The following MACROD2 variants were observed in gnomAD, a reference collection of about 807,000 sequenced individuals.
The protein encoded by MACROD2 is ADP-ribose glycohydrolase MACROD2.
MACROD2 carries 36 observed loss-of-function variants against 70.4 expected under a neutral mutation model. That is an observed-to-expected ratio of 0.51 (90% confidence interval 0.39 to 0.68). MACROD2 has a LOEUF of 0.68. Ranked by LOEUF, MACROD2 falls within the 30% of genes least tolerant of loss-of-function variation. The pLI, the probability that MACROD2 is intolerant of heterozygous loss-of-function variation, is 0.00. For missense variants in MACROD2, 496 were observed against 538.4 expected (o/e 0.92, Z 0.78); for synonymous variants, 172 against 178.8 (o/e 0.96, Z 0.30).
chr20:15,331,187 AT>A (rs1428998894), intron 6 of MACROD2, among the ~76,000 whole-genome samples: 1 of 151,732 alleles, frequency 6.6e-6, no homozygotes, highest in Non-Finnish European at 1.5e-5. Context: ...GTGTATTTTC[AT>A]TATTTTACAG....
intron 3 of MACROD2, among the ~76,000 whole-genome samples, chr20:14,181,680 T>G (rs1332940008): frequency 6.6e-6 from 1 of 152,084 alleles, no homozygotes; most frequent in African/African-American, 2.4e-5. Context: ...TAATTTACTT[T>G]TCATCTCTAT....
At chr20:14,982,556 C>T (rs1315754364) in intron 5 of MACROD2, among the ~76,000 whole-genome samples, 1 of 152,188 alleles carries the variant, frequency 6.6e-6, no homozygotes, top group Non-Finnish European at 1.5e-5. Context: ...TGCCCTACAT[C>T]CCAGCCACTC....
At chr20:15,379,598 C>T (rs998329313) in intron 6 of MACROD2, among the ~76,000 whole-genome samples, 1 of 152,120 alleles carries the variant, frequency 6.6e-6, no homozygotes, top group Non-Finnish European at 1.5e-5. Context: ...TCTTTTCTCC[C>T]CAAACTCACA....
At chr20:15,244,459 C>T (rs1248197191) in intron 6 of MACROD2, among the ~76,000 whole-genome samples, 1 of 152,150 alleles carries the variant, frequency 6.6e-6, no homozygotes, top group African/African-American at 2.4e-5. Flanking sequence ...CAGGGGAAGG[C>T]TGTCAGCTGC....
intron 5 of MACROD2, among the ~76,000 whole-genome samples, chr20:14,796,011 A>G (rs2123810201): frequency 6.6e-6 from 1 of 152,234 alleles, no homozygotes; most frequent in South Asian, 2.1e-4. Context: ...ATTGACCTTG[A>G]CATGAACAGT....
chr20:14,500,017 G>A (rs2084898953), intron 4 of MACROD2, among the ~76,000 whole-genome samples: 1 of 152,134 alleles, frequency 6.6e-6, no homozygotes, highest in Non-Finnish European at 1.5e-5. Context: ...AGCTTATAGT[G>A]GTCAGGGAAG....
chr20:14,262,499 C>T (rs187643756), intron 3 of MACROD2, among the ~76,000 whole-genome samples: 3 of 152,226 alleles, frequency 2.0e-5, no homozygotes, highest in East Asian at 3.9e-4. Context: ...GACTAAAGTT[C>T]GGCAGAGGGC....
chr20:14,792,743 T>A (rs541685692), intron 5 of MACROD2, among the ~76,000 whole-genome samples: 11 of 152,196 alleles, frequency 7.2e-5, no homozygotes, highest in African/African-American at 2.7e-4. Context: ...ATCACCATAT[T>A]GGAAATTCAT....
At chr20:15,922,123 C>A (rs1490509312) in intron 10 of MACROD2, among the ~76,000 whole-genome samples, 1 of 152,184 alleles carries the variant, frequency 6.6e-6, no homozygotes, top group African/African-American at 2.4e-5. Context: ...CTGGTGCATG[C>A]AGAAATCAGA....
At chr20:15,525,535 T>C (rs1375636270) in intron 8 of MACROD2, among the ~76,000 whole-genome samples, 1 of 152,250 alleles carries the variant, frequency 6.6e-6, no homozygotes, top group Non-Finnish European at 1.5e-5. Context: ...ACAAGGTCCC[T>C]GTTCCTTTCA....
intron 5 of MACROD2, among the ~76,000 whole-genome samples, chr20:15,027,055 C>T (rs1006036228): frequency 6.6e-6 from 1 of 152,044 alleles, no homozygotes; most frequent in African/African-American, 2.4e-5. Context: ...CCTGGCAACC[C>T]TAATGATTTG....
chr20:15,272,636 C>T (rs940380867), intron 6 of MACROD2, among the ~76,000 whole-genome samples: 4 of 152,082 alleles, frequency 2.6e-5, no homozygotes, highest in Non-Finnish European at 5.9e-5. Flanking sequence ...TACGCATGTA[C>T]CATTTACATT....
intron 8 of MACROD2, among the ~76,000 whole-genome samples, chr20:15,749,757 C>T (rs2051239776): frequency 6.6e-6 from 1 of 152,004 alleles, no homozygotes; most frequent in Non-Finnish European, 1.5e-5. Context: ...AGGGCTTTTT[C>T]ATTACATTAA....
intron 8 of MACROD2, among the ~76,000 whole-genome samples, chr20:15,566,505 A>G (rs1476300614): frequency 6.6e-6 from 1 of 152,130 alleles, no homozygotes; most frequent in Non-Finnish European, 1.5e-5. Context: ...CTCCAAAAAA[A>G]AAAAAGGGAA....
At chr20:15,592,337 G>A (rs1264675150) in intron 8 of MACROD2, among the ~76,000 whole-genome samples, 1 of 152,216 alleles carries the variant, frequency 6.6e-6, no homozygotes, top group Non-Finnish European at 1.5e-5. Flanking sequence ...TTTGTTGACA[G>A]CCATCTGTTG....
chr20:14,650,354 G>C (rs2123508978), intron 4 of MACROD2, among the ~76,000 whole-genome samples: 1 of 152,222 alleles, frequency 6.6e-6, no homozygotes, highest in East Asian at 1.9e-4. Context: ...TTTTGTTCAG[G>C]TCTAAATGAA....
chr20:15,497,609 C>A (rs548321888), intron 7 of MACROD2, among the ~76,000 whole-genome samples: 86 of 152,228 alleles, frequency 5.6e-4, no homozygotes, highest in Non-Finnish European at 1.1e-3. Context: ...TCCTTCTTTG[C>A]AGCTCACCCG....
intron 17 of MACROD2, among the ~76,000 whole-genome samples, chr20:16,049,295 T>C (rs60653131): frequency 0.027 from 4,144 of 152,148 alleles, 195 homozygotes; most frequent in African/African-American, 0.095. Flanking sequence ...AGATTATACC[T>C]CAATTTTAAA....
At chr20:15,232,557 C>T (rs1057093768) in intron 6 of MACROD2, among the ~76,000 whole-genome samples, 12 of 151,914 alleles carry the variant, frequency 7.9e-5, no homozygotes, top group African/African-American at 1.7e-4. Context: ...AGGGATCAGT[C>T]GGGATAATGT....
Sources: allele counts gnomAD v4.1 joint callset (sites outside exome capture counted in the v4.1 genomes callset), GRCh38; gene constraint gnomAD v4.1.1; transcripts MANE v1.5; gene names NCBI Gene and HGNC (gene_info 2026-07-23, HGNC 2026-07-21).